Variants in GALM observed in about 807,000 individuals in gnomAD.
GALM encodes aldose 1-epimerase.
Under a neutral mutation model 37.4 loss-of-function variants are expected in GALM, and 43 were observed. The ratio of observed to expected loss-of-function variants is 1.15; its 90% CI spans 0.90 to 1.48. The LOEUF (loss-of-function observed/expected upper bound fraction) is 1.48, where lower values mean the gene tolerates loss of function less well. GALM is among the 40% of genes most tolerant of loss of function. The pLI is 0.00. For missense variants in GALM, 456 were observed against 419.1 expected (o/e 1.09, Z -0.77); for synonymous variants, 199 against 170.6 (o/e 1.17, Z -1.30).
rs551559589 is a variant in GALM at position 38,719,847 on chromosome 2, A to G, written c.635-9709A>G. ...TTAGTGACCCCCGAGGCTGAGTTTG[A>G]TGCTGCTCCCTGCTCCCCTAGAGCC... On this transcript the variant is annotated intron_variant, in intron 4 of 6. Transcript: ENST00000272252. Among the ~76,000 whole-genome samples the G allele has an allele frequency of 3.8e-4, 57 of 148,144 alleles. 1 individual carries two copies. Among genetic ancestry groups the G allele is most frequent in the Admixed American group, 2.9e-3 (44 of 14,968 alleles).
At chr2:38,682,646 C>T (rs1045488029) in intron 3 of GALM, among the ~76,000 whole-genome samples, 11 of 152,146 alleles carry the variant, frequency 7.2e-5, no homozygotes, top group African/African-American at 9.7e-5. Flanking sequence ...CCTGTAATCC[C>T]GGCACTTTGG....
intron 2 of GALM, among the ~76,000 whole-genome samples, chr2:38,679,188 T>C (rs1277203547): frequency 2.0e-5 from 3 of 152,170 alleles, no homozygotes; most frequent in Non-Finnish European, 2.9e-5. Context: ...AGTTTCACCA[T>C]GTTGGCCAGG....
chr2:38,725,804 C>T (rs536638109), intron 4 of GALM, among the ~76,000 whole-genome samples: 20 of 152,132 alleles, frequency 1.3e-4, no homozygotes, highest in African/African-American at 4.3e-4. Flanking sequence ...CTCCATCTCC[C>T]GGGTTCAAGC....
intron 4 of GALM, among the ~76,000 whole-genome samples, chr2:38,716,422 A>G (rs1446494842): frequency 6.6e-6 from 1 of 152,200 alleles, no homozygotes; most frequent in East Asian, 1.9e-4. Flanking sequence ...CCAAATGTGC[A>G]TTTCAACATC....
intron 4 of GALM, among the ~76,000 whole-genome samples, chr2:38,704,383 T>C (rs1324999157): frequency 5.3e-5 from 8 of 152,018 alleles, no homozygotes; most frequent in Non-Finnish European, 1.0e-4. Context: ...AAATATTTTT[T>C]TTGAGGCTGG....
At chr2:38,687,097 T>A (rs1165404549) in intron 3 of GALM, among the ~76,000 whole-genome samples, 1 of 152,162 alleles carries the variant, frequency 6.6e-6, no homozygotes, top group East Asian at 1.9e-4. Context: ...AGTGAACAAA[T>A]AGGGCCAAGG....
At chr2:38,702,872 C>A (rs1462649312) in intron 4 of GALM, among the ~76,000 whole-genome samples, 2 of 146,288 alleles carry the variant, frequency 1.4e-5, no homozygotes, top group African/African-American at 5.0e-5. Flanking sequence ...CTCCTCTCTC[C>A]TTTACATTTG....
chr2:38,692,997 T>C (rs934799098), intron 4 of GALM, among the ~76,000 whole-genome samples: 4 of 152,148 alleles, frequency 2.6e-5, no homozygotes, highest in Non-Finnish European at 5.9e-5. Context: ...TGGGGCCATG[T>C]CAGATCTGTA....
At chr2:38,722,050 CCCA>C (rs1666390814) in intron 4 of GALM, among the ~76,000 whole-genome samples, 1 of 122,322 alleles carries the variant, frequency 8.2e-6, no homozygotes, top group Non-Finnish European at 1.8e-5. Flanking sequence ...ACCCCCCCCC[CCCA>C]CCTAGAACAG....
At chr2:38,715,282 A>C (rs559865646) in intron 4 of GALM, among the ~76,000 whole-genome samples, 19 of 152,220 alleles carry the variant, frequency 1.2e-4, no homozygotes, top group Non-Finnish European at 2.6e-4. Flanking sequence ...TGAAGGCAGC[A>C]TATACTTGGG....
chr2:38,719,703 G>A (rs1022090545), intron 4 of GALM, among the ~76,000 whole-genome samples: 6 of 150,702 alleles, frequency 4.0e-5, no homozygotes, highest in Non-Finnish European at 7.4e-5. Flanking sequence ...CAACCCCGAA[G>A]GTGGAGGTTG....
At chr2:38,674,820 C>T (rs1241648577) in intron 1 of GALM, among the ~76,000 whole-genome samples, 8 of 152,182 alleles carry the variant, frequency 5.3e-5, no homozygotes, top group Non-Finnish European at 1.2e-4. Flanking sequence ...CCTGCAGTTT[C>T]AGTTACTCAG....
At chr2:38,679,358 C>A (rs1470527915) in intron 2 of GALM, among the ~76,000 whole-genome samples, 1 of 121,676 alleles carries the variant, frequency 8.2e-6, no homozygotes, top group East Asian at 3.0e-4. Flanking sequence ...CTCCCCACCG[C>A]CCCCGACACA....
chr2:38,702,932 T>TTATA lies in GALM; in HGVS notation c.634+13053_634+13056dup, dbSNP rs202010853. ...CACTTTATTTATATATATATACTTT[T>TTATA]TATATATATATATATATAATATGTG... On this transcript the variant is annotated intron_variant, in intron 4 of 6. Coordinates refer to ENST00000272252, the MANE Select transcript of GALM (RefSeq NM_138801.3). Among the ~76,000 whole-genome samples, 451 of 134,870 alleles carry TTATA rather than the reference T, an allele frequency of 3.3e-3. 4 individuals carry two copies. The highest frequency in any genetic ancestry group is 4.4e-3 in the Non-Finnish European group (283 of 64,186). The allele number at this position is 134,870 out of a possible 152,430, so 88.5% of individuals were successfully genotyped here.
intron 4 of GALM, among the ~76,000 whole-genome samples, chr2:38,718,196 C>CT (rs3059479): frequency 0.053 from 6,889 of 131,202 alleles, 340 homozygotes; most frequent in Non-Finnish European, 0.076. Context: ...TTTTTCTTTT[C>CT]TTTTTTTTTT....
At chr2:38,694,896 C>CT (rs1665766308) in intron 4 of GALM, among the ~76,000 whole-genome samples, 1 of 75,822 alleles carries the variant, frequency 1.3e-5, no homozygotes, top group Non-Finnish European at 2.3e-5. Flanking sequence ...GACTCCGTCT[C>CT]AAAAAAAAAA....
At chr2:38,730,700 C>T (rs1666589813) in intron 5 of GALM, among the ~76,000 whole-genome samples, 1 of 151,964 alleles carries the variant, frequency 6.6e-6, no homozygotes, top group Admixed American at 6.6e-5. Context: ...GTGGGCAGAT[C>T]ACTTGAGGTC....
intron 1 of GALM, among the ~76,000 whole-genome samples, chr2:38,675,525 TGTTTTTTTTTTTTTTTTTTG>T (rs1335227645): frequency 8.2e-4 from 86 of 104,250 alleles, no homozygotes; most frequent in African/African-American, 3.0e-3. Context: ...AGGGTTTTTT[TGTTTTTTTTTTTTTTTTTTG>T]TGTGTGTGTG....
chr2:38,718,196 C>CTT (rs3059479), intron 4 of GALM, among the ~76,000 whole-genome samples: 67,426 of 131,046 alleles, frequency 0.51, 18,236 homozygotes, highest in East Asian at 0.84. Context: ...TTTTTCTTTT[C>CTT]TTTTTTTTTT....
Sources: gnomAD v4.1 joint callset for allele counts (sites outside exome capture counted in the v4.1 genomes callset) on GRCh38, gnomAD v4.1.1 for gene constraint, MANE v1.5 for transcripts, NCBI Gene and HGNC (gene_info 2026-07-23, HGNC 2026-07-21) for gene names.